ZNF444: variants seen among roughly 807,000 people sequenced by gnomAD.
ZNF444 encodes the protein endothelial zinc finger protein 2.
In ZNF444, 8 loss-of-function variants were observed where a neutral mutation model predicts 14.4. That is an observed-to-expected ratio of 0.56 (90% CI 0.33 to 1.00). The LOEUF is 1.00. Ranked by LOEUF, ZNF444 falls within the 50% of genes least tolerant of loss-of-function variation. The pLI is 0.03. For synonymous variants in ZNF444, 258 were observed against 235.9 expected (o/e 1.09, Z -0.86); for missense variants, 510 against 504.8 (o/e 1.01, Z -0.10).
At chr19:56,141,675 G>A (rs2123462367) in intron 1 of ZNF444, 1 of 124,316 alleles carries the variant, frequency 8.0e-6, no homozygotes, top group African/African-American at 2.9e-5. Flanking sequence ...GACGGGGGAG[G>A]GACAGGTGGG....
rs1456959300 is a variant in ZNF444 at position 56,146,297 on chromosome 19, A to C, written c.-146A>C. On this transcript the variant is annotated 5_prime_UTR_variant, in exon 2 of 5. Coordinates refer to ENST00000337080, the MANE Select transcript of ZNF444 (RefSeq NM_018337.4). ...ACTGAGGTACAGAGGCCAGGGGCCC[A>C]GGGCAGGACCCAGCCTGGACTTGAC... is the stretch of plus-strand genomic sequence containing the variant. 6.6e-6 allele frequency: 1 copy of C among 152,440 alleles called. No individual in the cohort carries two copies. Among genetic ancestry groups the C allele is most frequent in the Non-Finnish European group, 1.5e-5 (1 of 68,214 alleles). 9.4% of individuals were successfully genotyped at this position (152,440 alleles called of 1,614,324 possible).
At chr19:56,137,485 A>G (rs1025383688), upstream of ZNF444, among the ~76,000 whole-genome samples, 5 of 151,914 alleles carry the variant, frequency 3.3e-5, no homozygotes, top group African/African-American at 1.2e-4. Context: ...AGAAAAAGAA[A>G]AAGAAAAAAA....
chr19:56,148,084 T>C (rs77436604), intron 3 of ZNF444, among the ~76,000 whole-genome samples: 5,916 of 152,296 alleles, frequency 0.039, 191 homozygotes, highest in East Asian at 0.19. Context: ...CCATCTTAAG[T>C]GTTCTAGTCA....
chr19:56,143,984 G>C (rs561028874), intron 1 of ZNF444, among the ~76,000 whole-genome samples: 136 of 152,186 alleles, frequency 8.9e-4, no homozygotes, highest in Middle Eastern at 6.8e-3. Flanking sequence ...GAGGCCCTGT[G>C]GTGGGCACTG....
intron 1 of ZNF444, among the ~76,000 whole-genome samples, chr19:56,135,952 C>T (rs529133769): frequency 2.9e-4 from 44 of 151,510 alleles, no homozygotes; most frequent in Admixed American, 9.9e-4. Flanking sequence ...TGTGGTGGTG[C>T]GTGCCTGTAA....
Position 56,147,803 on chromosome 19 carries a change from A to G in ZNF444, c.297+595A>G, listed in dbSNP as rs1320111229. Among the ~76,000 whole-genome samples the G allele has an allele frequency of 6.6e-6, 1 of 152,048 alleles. No individual in the cohort carries two copies. Among genetic ancestry groups the G allele is most frequent in the Non-Finnish European group, 1.5e-5 (1 of 68,002 alleles). On this transcript the variant is annotated intron_variant, in intron 3 of 4. Coordinates refer to ENST00000337080, the MANE Select transcript of ZNF444 (RefSeq NM_018337.4). The surrounding 1 kb of genome is among the most constrained non-coding windows in gnomAD (Gnocchi z 5.9). ...TGCGTGAGGCTCCAAGGGCTCAGAG[A>G]TGACTTCCCAGGGGCAGAGGGCAAA...
At chr19:56,137,117 G>A (rs1029241489), upstream of ZNF444, among the ~76,000 whole-genome samples, 2 of 151,750 alleles carry the variant, frequency 1.3e-5, no homozygotes, top group Non-Finnish European at 2.9e-5. Context: ...CCCAGGTGAT[G>A]TTGTGCAGCT....
chr19:56,134,371 T>C (rs575673352), intron 1 of ZNF444, among the ~76,000 whole-genome samples: 3 of 152,210 alleles, frequency 2.0e-5, no homozygotes, highest in Non-Finnish European at 4.4e-5. Context: ...CACTCTTATT[T>C]ACTCATTCAC....
At chr19:56,150,088 T>A (rs1237591482) in intron 3 of ZNF444, 4 of 165,238 alleles carry the variant, frequency 2.4e-5, no homozygotes, top group Non-Finnish European at 5.4e-5. Context: ...CAACGTGGAA[T>A]CTGTGAGCCT....
At chr19:56,148,670 A>G (rs545087626) in intron 3 of ZNF444, among the ~76,000 whole-genome samples, 2 of 152,016 alleles carry the variant, frequency 1.3e-5, no homozygotes, top group African/African-American at 2.4e-5. Flanking sequence ...TGGCTTCTCT[A>G]TCCTCGCCCT....
At chr19:56,137,689 AAC>A (rs1170079591), upstream of ZNF444, among the ~76,000 whole-genome samples, 2 of 152,194 alleles carry the variant, frequency 1.3e-5, no homozygotes, top group Non-Finnish European at 2.9e-5. Flanking sequence ...ATGCTTTTCT[AAC>A]ACACACAAAG....
In ZNF444 at chr19:56,159,615, T is replaced by C. The variant is rs891589399; in HGVS notation, c.407-9T>C. 3 of 1,428,432 alleles carry C rather than the reference T, an allele frequency of 2.1e-6. No individual in the cohort carries two copies. In the African/African-American group the frequency reaches 4.4e-5, roughly 21 times the overall value. 88.5% of individuals were successfully genotyped at this position (1,428,432 alleles called of 1,614,324 possible). On this transcript the variant is annotated splice_polypyrimidine_tract_variant and intron_variant, in intron 4 of 4. Coordinates refer to ENST00000337080, the MANE Select transcript of ZNF444 (RefSeq NM_018337.4). ...CCGACCCAGATGCTGACTCTCTTTC[T>C]TTTCCCAGCAGGCACCGCCCCTGGG...
chr19:56,152,569 G>A (rs1251935338), intron 3 of ZNF444, among the ~76,000 whole-genome samples: 3 of 151,546 alleles, frequency 2.0e-5, no homozygotes, highest in Admixed American at 6.6e-5. Flanking sequence ...TAGGGTAAGC[G>A]CCCAGGAGTG....
chr19:56,140,512 A>C, upstream of ZNF444, among the ~76,000 whole-genome samples: 1 of 152,104 alleles, frequency 6.6e-6, no homozygotes, highest in Non-Finnish European at 1.5e-5. Context: ...ACTGAGGCTA[A>C]AGAGAGGGCG....
At chr19:56,134,277 G>A (rs2030562066) in intron 1 of ZNF444, among the ~76,000 whole-genome samples, 1 of 152,166 alleles carries the variant, frequency 6.6e-6, no homozygotes, top group Non-Finnish European at 1.5e-5. Flanking sequence ...AAGGAGCCGA[G>A]AAGCTAGAAG....
At chr19:56,157,110 C>CG (rs951981470) in intron 3 of ZNF444, 11 of 152,470 alleles carry the variant, frequency 7.2e-5, no homozygotes, top group Non-Finnish European at 1.6e-4. Context: ...GGGAGCCCCG[C>CG]CAAGGGCCAA....
intron 3 of ZNF444, chr19:56,156,176 G>A (rs959790792): frequency 1.3e-5 from 2 of 152,254 alleles, no homozygotes; most frequent in Non-Finnish European, 2.9e-5. Context: ...CCGAGCGCAG[G>A]GGCCTCTGTC....
At position 56,147,754 on chromosome 19, in the gene ZNF444, G is replaced by C. The variant is rs773744950; in HGVS notation, c.297+546G>C. Among the ~76,000 whole-genome samples, 53 of 150,532 alleles carry C rather than the reference G, an allele frequency of 3.5e-4. No homozygotes were observed. The highest frequency in any genetic ancestry group is 6.8e-4 in the Non-Finnish European group (46 of 68,016). On this transcript the variant is annotated intron_variant, in intron 3 of 4. Transcript: ENST00000337080. This position sits in a 1 kb window ranked among gnomAD's most constrained non-coding sequence, Gnocchi z 5.9. ...GCTTTTGGGCTGGCCTGAGTCCCCC[G>C]GGGCAGGCAGACCCTCCTTATCATG...
intron 3 of ZNF444, among the ~76,000 whole-genome samples, chr19:56,148,524 G>A (rs554694256): frequency 5.3e-4 from 80 of 152,252 alleles, no homozygotes; most frequent in Admixed American, 2.3e-3. Flanking sequence ...AGCAGCTCCC[G>A]TCAAGGCTGC....
Sources: gnomAD v4.1 joint callset for allele counts (sites outside exome capture counted in the v4.1 genomes callset) on GRCh38, gnomAD v4.1.1 for gene constraint, Gnocchi (gnomAD v3.1) non-coding constraint, MANE v1.5 for transcripts, NCBI Gene and HGNC (gene_info 2026-07-23, HGNC 2026-07-21) for gene names.